Variants in NBEA observed in about 807,000 individuals in gnomAD.
The protein encoded by NBEA is lysosomal-trafficking regulator 2.
NBEA carries 44 observed loss-of-function variants against 343.4 expected under a neutral mutation model. That is an observed-to-expected ratio of 0.13 (90% CI 0.10 to 0.16). The LOEUF is 0.16. NBEA is among the 10% of genes least tolerant of loss of function. The pLI, the probability that NBEA is intolerant of heterozygous loss-of-function variation, is 1.00. For synonymous variants in NBEA, 1,175 were observed against 1,238.7 expected (o/e 0.95, Z 1.08); for missense variants, 2,555 against 3,631.3 (o/e 0.70, Z 7.62).
chr13:35,304,798 A>T (rs1459353884), intron 35 of NBEA, among the ~76,000 whole-genome samples: 1 of 152,180 alleles, frequency 6.6e-6, no homozygotes, highest in Non-Finnish European at 1.5e-5. Context: ...AAAGGCACAT[A>T]ACCAACAAAT....
At chr13:35,580,141 A>AT (rs1231753780) in intron 45 of NBEA, among the ~76,000 whole-genome samples, 3 of 151,974 alleles carry the variant, frequency 2.0e-5, no homozygotes, top group Non-Finnish European at 2.9e-5. Flanking sequence ...TCATTTTTGC[A>AT]TTTTTTGCAC....
At chr13:34,994,580 A>G (rs7317673) in intron 1 of NBEA, among the ~76,000 whole-genome samples, 2,406 of 152,292 alleles carry the variant, frequency 0.016, 66 homozygotes, top group African/African-American at 0.049. Flanking sequence ...ACAATTTACC[A>G]TATTTTTATC....
intron 5 of NBEA, 99 bp downstream of exon 5, chr13:35,048,783 G>A (rs1456561799): frequency 4.5e-6 from 3 of 663,732 alleles, no homozygotes; most frequent in East Asian, 5.6e-5. Context: ...ATGTATATAT[G>A]TGCGTATAAT....
intron 30 of NBEA, among the ~76,000 whole-genome samples, chr13:35,188,843 A>G (rs536510494): frequency 6.6e-6 from 1 of 150,596 alleles, no homozygotes; most frequent in South Asian, 2.1e-4. Context: ...TTTCATTCCT[A>G]TCAACAGTGT....
At chr13:35,220,966 T>C (rs1416262148) in intron 33 of NBEA, among the ~76,000 whole-genome samples, 1 of 152,170 alleles carries the variant, frequency 6.6e-6, no homozygotes, top group African/African-American at 2.4e-5. Flanking sequence ...ACTTTACTAA[T>C]TATCTCTTTA....
At chr13:35,025,670 A>T (rs1388725225) in intron 1 of NBEA, among the ~76,000 whole-genome samples, 1 of 152,006 alleles carries the variant, frequency 6.6e-6, no homozygotes, top group East Asian at 1.9e-4. Flanking sequence ...GAGAGTGATG[A>T]ATTGAATAAA....
intron 31 of NBEA, among the ~76,000 whole-genome samples, chr13:35,207,158 T>C (rs1593748040): frequency 1.3e-5 from 2 of 151,980 alleles, no homozygotes; most frequent in Admixed American, 6.6e-5. Flanking sequence ...TTAAGAATAA[T>C]AATTATTACA....
intron 38 of NBEA, among the ~76,000 whole-genome samples, chr13:35,394,796 T>C (rs2042667153): frequency 6.6e-6 from 1 of 152,186 alleles, no homozygotes; most frequent in Non-Finnish European, 1.5e-5. Context: ...TATATTAGGC[T>C]TACTTTGTTT....
chr13:35,227,877 A>C (rs1024370571), intron 33 of NBEA, among the ~76,000 whole-genome samples: 2 of 152,032 alleles, frequency 1.3e-5, no homozygotes, highest in Non-Finnish European at 2.9e-5. Flanking sequence ...TAGAATTCTA[A>C]AACATATAAC....
intron 10 of NBEA, among the ~76,000 whole-genome samples, chr13:35,076,202 C>G (rs1351666085): frequency 6.6e-6 from 1 of 151,430 alleles, no homozygotes; most frequent in Non-Finnish European, 1.5e-5. Flanking sequence ...AAGAATATAC[C>G]ACTGATATGT....
intron 1 of NBEA, among the ~76,000 whole-genome samples, chr13:34,990,674 G>A (rs1247316035): frequency 6.6e-6 from 1 of 151,930 alleles, no homozygotes; most frequent in African/African-American, 2.4e-5. Context: ...TTAACATTCA[G>A]CTCCTCTTTA....
chr13:35,182,357 T>C lies in NBEA; in HGVS notation c.4663-3T>C, dbSNP rs1470335962. 2.5e-6 allele frequency: 4 copies of C among 1,591,802 alleles called. No homozygotes were observed. Among genetic ancestry groups the C allele is most frequent in the East Asian group, 2.3e-5 (1 of 44,022 alleles). ...GTTAAAACTGTCTTTTCATTTTTCA[T>C]AGGATGATAGCAAACAAGCACAGTT... On this transcript the variant is annotated splice_polypyrimidine_tract_variant and splice_region_variant and intron_variant, in intron 28 of 58. Transcript: ENST00000379939.
intron 36 of NBEA, among the ~76,000 whole-genome samples, chr13:35,340,746 A>G (rs1476462130): frequency 6.6e-6 from 1 of 152,090 alleles, no homozygotes. Flanking sequence ...GAAAGAAATT[A>G]AAGAGGGTAT....
chr13:35,001,738 G>T (rs540086934), intron 1 of NBEA, among the ~76,000 whole-genome samples: 1 of 152,218 alleles, frequency 6.6e-6, no homozygotes, highest in Non-Finnish European at 1.5e-5. Context: ...ATTACATTTA[G>T]ATAGGAGGAG....
Position 35,452,165 on chromosome 13 carries a change from A to G in NBEA, c.6378A>G (p.Thr2126=). ...SQAIVNQNAE[T]ELMLEGDDDA... is the part of the protein sequence containing the mutation. ...CAATAGTGAACCAAAATGCAGAGAC[A>G]GAACTTATGCTGGAAGGAGACGATG... Residue 2126 remains threonine (T), a synonymous_variant, in exon 40 of 59, where the codon ACA becomes ACG. Transcript: ENST00000379939. 6.2e-7 allele frequency: 1 copy of G among 1,610,128 alleles called. No individual in the cohort carries two copies. The highest frequency in any genetic ancestry group is 8.5e-7 in the Non-Finnish European group (1 of 1,177,608).
intron 34 of NBEA, among the ~76,000 whole-genome samples, chr13:35,270,300 T>C (rs1449838134): frequency 6.6e-6 from 1 of 152,186 alleles, no homozygotes; most frequent in Non-Finnish European, 1.5e-5. Context: ...TCCTTTTATG[T>C]AATAAAGATG....
At chr13:35,220,354 T>A (rs1368817993) in intron 33 of NBEA, among the ~76,000 whole-genome samples, 1 of 152,186 alleles carries the variant, frequency 6.6e-6, no homozygotes, top group Non-Finnish European at 1.5e-5. Flanking sequence ...TCATATTTCT[T>A]CTTCTGAAAG....
At chr13:35,226,715 A>G (rs559695039) in intron 33 of NBEA, among the ~76,000 whole-genome samples, 1 of 143,852 alleles carries the variant, frequency 7.0e-6, no homozygotes, top group East Asian at 2.0e-4. Flanking sequence ...TTTCGTAATT[A>G]GCACACTCCA....
At chr13:35,153,134 G>A (rs1471575277) in intron 18 of NBEA, among the ~76,000 whole-genome samples, 6 of 146,052 alleles carry the variant, frequency 4.1e-5, no homozygotes, top group East Asian at 2.1e-4. Context: ...CCAAGTTCAC[G>A]CCATTCTCCT....
Sources: allele counts gnomAD v4.1 joint callset (sites outside exome capture counted in the v4.1 genomes callset), GRCh38; gene constraint gnomAD v4.1.1; transcripts MANE v1.5; gene names NCBI Gene and HGNC (gene_info 2026-07-23, HGNC 2026-07-21).